CNTNAP3: variants seen among roughly 807,000 people sequenced by gnomAD.
CNTNAP3 encodes contactin-associated protein-like 3.
A neutral mutation model predicts 92.1 loss-of-function variants in CNTNAP3; 36 were observed. That is an observed-to-expected ratio of 0.39 (90% CI 0.30 to 0.52). The LOEUF is 0.52. Among genes scored for constraint, CNTNAP3 ranks in the 20% least tolerant of loss-of-function variants. CNTNAP3 has a pLI of 0.76. For missense variants in CNTNAP3, 534 were observed against 1,069.6 expected (o/e 0.50, Z 6.98); for synonymous variants, 232 against 422.3 (o/e 0.55, Z 5.53).
chr9:39,132,885 G>C, intron 13 of CNTNAP3, 47 bp downstream of exon 13: 1 of 1,502,868 alleles, frequency 6.7e-7, no homozygotes, highest in African/African-American at 1.4e-5. Context: ...CCCGAGGGCC[G>C]CGCCCCGGCC....
intron 18 of CNTNAP3, among the ~76,000 whole-genome samples, chr9:39,089,868 T>C (rs1171679656): frequency 6.6e-6 from 1 of 152,222 alleles, no homozygotes; most frequent in Non-Finnish European, 1.5e-5. Flanking sequence ...TGAAGAAATA[T>C]CTATTTATAA....
chr9:39,110,614 C>G (rs1393837582), intron 14 of CNTNAP3, among the ~76,000 whole-genome samples: 1 of 152,036 alleles, frequency 6.6e-6, no homozygotes, highest in Non-Finnish European at 1.5e-5. Flanking sequence ...GGAGGATCCC[C>G]TAGGGGAACC....
chr9:39,093,742 T>C (rs4062931), intron 18 of CNTNAP3, among the ~76,000 whole-genome samples: 7 of 151,718 alleles, frequency 4.6e-5, no homozygotes, highest in East Asian at 1.9e-4. Context: ...TATATGTATA[T>C]ACTACATTTT....
At chr9:39,136,937 G>C (rs541069728) in intron 12 of CNTNAP3, among the ~76,000 whole-genome samples, 220 of 152,252 alleles carry the variant, frequency 1.4e-3, no homozygotes, top group African/African-American at 4.1e-3. Flanking sequence ...GAATTCTATA[G>C]TTTGAAAATA....
intron 11 of CNTNAP3, among the ~76,000 whole-genome samples, chr9:39,142,030 C>A (rs1025909474): frequency 6.6e-6 from 1 of 152,112 alleles, no homozygotes; most frequent in African/African-American, 2.4e-5. Flanking sequence ...CAAATTTCTA[C>A]CTATAGCCGT....
chr9:39,148,827 A>G (rs1488611775), intron 10 of CNTNAP3, among the ~76,000 whole-genome samples: 18 of 152,070 alleles, frequency 1.2e-4, no homozygotes, highest in Non-Finnish European at 1.5e-5. Context: ...GCCGGGCCAG[A>G]TTATCACTTT....
chr9:39,147,713 G>T lies in CNTNAP3; in HGVS notation c.1649+2093C>A, dbSNP rs1228410152. Among the ~76,000 whole-genome samples, 5 of 152,238 alleles carry T rather than the reference G, an allele frequency of 3.3e-5. No individual in the cohort carries two copies. In the East Asian group the frequency reaches 7.7e-4, roughly 23 times the overall value. Reference sequence around the variant, plus strand: ...ATTTGGAGGCCTTTTTAAAATGTGGGATCTTAGAGACCAAGTTAGGCACCA... The same window carrying T: ...ATTTGGAGGCCTTTTTAAAATGTGGTATCTTAGAGACCAAGTTAGGCACCA... On this transcript the variant is annotated intron_variant, in intron 10 of 23. Coordinates refer to ENST00000297668, the MANE Select transcript of CNTNAP3 (RefSeq NM_033655.5).
chr9:39,094,453 A>G (rs1324759294), intron 18 of CNTNAP3, among the ~76,000 whole-genome samples: 2 of 151,628 alleles, frequency 1.3e-5, no homozygotes, highest in Non-Finnish European at 3.0e-5. Flanking sequence ...AAGATCATGA[A>G]GATCTGCCTA....
At chr9:39,085,570 G>A (rs1029068) in intron 21 of CNTNAP3, 166 bp downstream of exon 21, 3 of 631,844 alleles carry the variant, frequency 4.7e-6, no homozygotes, top group Non-Finnish European at 2.7e-6. Flanking sequence ...GTAGCACTTA[G>A]TCATGATTAT....
chr9:39,084,819 C>G (rs1195740514), intron 21 of CNTNAP3, among the ~76,000 whole-genome samples: 1 of 151,812 alleles, frequency 6.6e-6, no homozygotes. Flanking sequence ...ATCTCTACCT[C>G]CAAGGACAGG....
chr9:39,085,343 C>G (rs1826041570), intron 21 of CNTNAP3: 1 of 205,272 alleles, frequency 4.9e-6, no homozygotes, highest in African/African-American at 2.4e-5. Flanking sequence ...AGTTTTTTCT[C>G]TTGTGTTCAA....
At chr9:39,226,938 G>A (rs1243483400) in intron 3 of CNTNAP3, among the ~76,000 whole-genome samples, 231 of 4,590 alleles carry the variant, frequency 0.05, 95 homozygotes, top group East Asian at 1. Context: ...ATGTATATGT[G>A]TGTATATATA....
intron 3 of CNTNAP3, among the ~76,000 whole-genome samples, chr9:39,209,632 CT>C (rs1267708811): frequency 1.1e-5 from 1 of 93,790 alleles, no homozygotes; most frequent in Non-Finnish European, 2.2e-5. Flanking sequence ...CCCCACTCCC[CT>C]CTCCCACTCC....
chr9:39,138,255 A>G (rs926226426), intron 12 of CNTNAP3, among the ~76,000 whole-genome samples: 2 of 152,132 alleles, frequency 1.3e-5, no homozygotes, highest in Non-Finnish European at 2.9e-5. Flanking sequence ...CTGCAGTACT[A>G]TAAGTAACAT....
At chr9:39,143,851 C>G (rs1467609034) in intron 11 of CNTNAP3, among the ~76,000 whole-genome samples, 3 of 152,142 alleles carry the variant, frequency 2.0e-5, no homozygotes, top group Non-Finnish European at 2.9e-5. Flanking sequence ...GACAGCCTGG[C>G]AAGGGGTTGT....
In CNTNAP3 at chr9:39,067,579, G is replaced by A. The variant is rs1394750085; in HGVS notation, c.*6311C>T. Among the ~76,000 whole-genome samples the A allele has an allele frequency of 6.6e-5, 10 of 152,374 alleles. No homozygotes were observed. Among genetic ancestry groups the A allele is most frequent in the African/African-American group, 2.4e-4 (10 of 41,560 alleles). On this transcript the variant is annotated 3_prime_UTR_variant, in exon 24 of 24. Coordinates refer to ENST00000297668, the MANE Select transcript of CNTNAP3 (RefSeq NM_033655.5). Reference sequence around the variant, plus strand: ...CGCCCGGCTAATTTTTGTATGTTTAGTAGAGACGGGGTTTCCACCTTGTTA... The same window carrying A: ...CGCCCGGCTAATTTTTGTATGTTTAATAGAGACGGGGTTTCCACCTTGTTA...
At chr9:39,093,405 C>G (rs918193285) in intron 18 of CNTNAP3, among the ~76,000 whole-genome samples, 13 of 142,558 alleles carry the variant, frequency 9.1e-5, no homozygotes, top group Non-Finnish European at 1.9e-4. Context: ...GCCACTTAAC[C>G]ATTTAAAATA....
At chr9:39,145,707 G>A (rs1281201650) in intron 10 of CNTNAP3, among the ~76,000 whole-genome samples, 1 of 137,042 alleles carries the variant, frequency 7.3e-6, no homozygotes, top group African/African-American at 2.6e-5. Context: ...GTGTTAATGA[G>A]CATTTAGTCT....
chr9:39,128,700 A>C lies in CNTNAP3; in HGVS notation c.2080+4232T>G, dbSNP rs548409308. Among the ~76,000 whole-genome samples, 11 of 152,124 alleles carry C rather than the reference A, an allele frequency of 7.2e-5. No homozygotes were observed. In the South Asian group the frequency reaches 1.0e-3, roughly 14 times the overall value. ...CTACTGCAATAAAGCAAGAAAAATA[A>C]ATTAACTCCCTACAGATTGACGAGG... is the stretch of plus-strand genomic sequence containing the variant. On this transcript the variant is annotated intron_variant, in intron 13 of 23. Coordinates refer to ENST00000297668, the MANE Select transcript of CNTNAP3 (RefSeq NM_033655.5).
Sources: gnomAD v4.1 joint callset for allele counts (sites outside exome capture counted in the v4.1 genomes callset) on GRCh38, gnomAD v4.1.1 for gene constraint, MANE v1.5 for transcripts, NCBI Gene and HGNC (gene_info 2026-07-23, HGNC 2026-07-21) for gene names.